DDX17: variants seen among roughly 807,000 people sequenced by gnomAD.
DDX17 encodes the protein probable ATP-dependent RNA helicase DDX17.
Under a neutral mutation model 80.8 loss-of-function variants are expected in DDX17, and 10 were observed. The ratio of observed to expected loss-of-function variants is 0.12; its 90% CI spans 0.08 to 0.21. DDX17 has a LOEUF of 0.21. DDX17 is among the 10% of genes least tolerant of loss of function. The pLI, the probability that DDX17 is intolerant of heterozygous loss-of-function variation, is 1.00. For missense variants in DDX17, 586 were observed against 957.4 expected, an observed-to-expected ratio of 0.61 and a Z score of 5.12; for synonymous variants, 339 against 336.2, an observed-to-expected ratio of 1.01 and a Z score of -0.09.
intron 1 of DDX17, among the ~76,000 whole-genome samples, chr22:38,504,321 A>G (rs1033521043): frequency 6.6e-6 from 1 of 152,200 alleles, no homozygotes; most frequent in African/African-American, 2.4e-5. Flanking sequence ...AATACCCACA[A>G]TTTATGGAGA....
chr22:38,495,273 T>G (rs1268921109), intron 6 of DDX17, among the ~76,000 whole-genome samples: 1 of 122,740 alleles, frequency 8.1e-6, no homozygotes, highest in Non-Finnish European at 1.6e-5. Flanking sequence ...TGAGATGGAG[T>G]CTTGCTCTGT....
intron 11 of DDX17, chr22:38,490,715 T>A (rs1416000339): frequency 4.4e-6 from 1 of 229,480 alleles, no homozygotes; most frequent in Non-Finnish European, 8.9e-6. Flanking sequence ...TGTAGGACAT[T>A]GGTCAGAATT....
Position 38,501,253 on chromosome 22 carries a change from A to G in DDX17, c.315T>C (p.Leu105=). 1.2e-6 allele frequency: 2 copies of G among 1,611,996 alleles called. No individual in the cohort carries two copies. Among genetic ancestry groups the G allele is most frequent in the Non-Finnish European group, 1.7e-6 (2 of 1,179,076 alleles). ...CAGGATTACCAAATTTCTTCGGGGG[A>G]AGGCCACCACCACCTCTTGCTCCAA... The change falls in exon 2 of 13, where the codon CTT becomes CTC. Residue 105 remains leucine, a synonymous_variant. Transcript: ENST00000403230.
chr22:38,493,337 T>C (rs2089731288), intron 10 of DDX17: 1 of 165,932 alleles, frequency 6.0e-6, no homozygotes, highest in Non-Finnish European at 1.3e-5. Context: ...CCACCAAGCT[T>C]GGCTAAGTTT....
intron 2 of DDX17, 104 bp downstream of exon 2, chr22:38,501,026 C>T (rs183369159): frequency 7.3e-7 from 1 of 1,376,538 alleles, no homozygotes; most frequent in Non-Finnish European, 9.7e-7. Flanking sequence ...TATCACCACA[C>T]TAGAATAAAA....
intron 10 of DDX17, among the ~76,000 whole-genome samples, chr22:38,492,834 T>C (rs2145694324): frequency 6.6e-6 from 1 of 152,324 alleles, no homozygotes; most frequent in Non-Finnish European, 1.5e-5. Context: ...TCTCAATGGC[T>C]TCCCTTAAGA....
At position 38,486,368 on chromosome 22, in the gene DDX17, C is replaced by T. The variant is rs748322707; in HGVS notation, c.1757G>A (p.Arg586Gln). Residue 586 changes from arginine (R) to glutamine (Q), a missense_variant, in exon 13 of 13, where the codon CGA (arginine) becomes CAA (glutamine). Coordinates refer to ENST00000403230, the MANE Select transcript of DDX17 (RefSeq NM_006386.5). ...ACCATCCTTGACTCCTCGAAGCCTT[C>T]GGTCACACTCATCCTGATACATCAG... 6.8e-6 allele frequency: 11 copies of T among 1,614,152 alleles called. No homozygotes were observed. The highest frequency in any genetic ancestry group is 1.1e-5 in the South Asian group (1 of 91,078).
chr22:38,492,937 C>T (rs911589954), intron 10 of DDX17, among the ~76,000 whole-genome samples: 3 of 152,032 alleles, frequency 2.0e-5, no homozygotes, highest in Non-Finnish European at 2.9e-5. Context: ...CAGTTTAATT[C>T]TCCCCAAACG....
chr22:38,498,034 C>A (rs367602013), intron 5 of DDX17, 51 bp downstream of exon 5: 7 of 1,552,916 alleles, frequency 4.5e-6, no homozygotes, highest in Non-Finnish European at 6.2e-6. Flanking sequence ...CCTAAATAGT[C>A]GCTAAATTGT....
chr22:38,490,601 AT>A, intron 11 of DDX17: 1 of 497,530 alleles, frequency 2.0e-6, no homozygotes, highest in Non-Finnish European at 3.2e-6. Context: ...TGAAGGGAAC[AT>A]TTAAGAGACC....
At chr22:38,496,534 A>G (rs957372459) in intron 5 of DDX17, among the ~76,000 whole-genome samples, 1 of 152,110 alleles carries the variant, frequency 6.6e-6, no homozygotes, top group Non-Finnish European at 1.5e-5. Context: ...ATTTTTGTAG[A>G]GATGGGGGTT....
intron 5 of DDX17, 116 bp downstream of exon 5, chr22:38,497,969 T>A (rs2089787528): frequency 1.1e-6 from 1 of 914,704 alleles, no homozygotes; most frequent in East Asian, 2.5e-5. Context: ...ATGAAACCAT[T>A]TCCACCTATG....
intron 4 of DDX17, 59 bp from the exon 5 acceptor site, chr22:38,498,209 C>A: frequency 6.4e-7 from 1 of 1,567,076 alleles, no homozygotes; most frequent in Non-Finnish European, 8.8e-7. Flanking sequence ...TACTTAGATA[C>A]TTAGTAATTA....
Position 38,485,850 on chromosome 22 carries a change from A to G in DDX17, c.*85T>C. On this transcript the variant is annotated 3_prime_UTR_variant, in exon 13 of 13. Coordinates refer to ENST00000403230, the MANE Select transcript of DDX17 (RefSeq NM_006386.5). ...AAAAAAGAAAAAAGGAAAAAAAAAG[A>G]AAAGGCGAAGAGGAAAAAAAAAGGA... 1 of 1,455,406 alleles carries G rather than the reference A, an allele frequency of 6.9e-7. No homozygotes were observed. Among genetic ancestry groups the G allele is most frequent in the South Asian group, 1.5e-5 (1 of 67,270 alleles). The allele number at this position is 1,455,406 out of a possible 1,614,324, so 90.2% of individuals were successfully genotyped here.
chr22:38,499,105 C>A (rs1243712735), intron 3 of DDX17, among the ~76,000 whole-genome samples: 3 of 152,186 alleles, frequency 2.0e-5, no homozygotes, highest in Non-Finnish European at 4.4e-5. Context: ...GACATGGGAA[C>A]ATGGTAGTCA....
intron 4 of DDX17, 66 bp downstream of exon 4, chr22:38,498,374 G>T: frequency 6.3e-7 from 1 of 1,597,176 alleles, no homozygotes; most frequent in Non-Finnish European, 8.6e-7. Context: ...AACTGAGAAC[G>T]TATGACAACT....
intron 11 of DDX17, chr22:38,488,325 T>G: frequency 6.9e-7 from 1 of 1,442,992 alleles, no homozygotes; most frequent in Non-Finnish European, 9.1e-7. Flanking sequence ...GCATAGGAAA[T>G]AGGATCTTTA....
chr22:38,487,813 G>A, intron 12 of DDX17, 66 bp downstream of exon 12: 3 of 1,555,252 alleles, frequency 1.9e-6, no homozygotes, highest in Non-Finnish European at 2.7e-6. Flanking sequence ...GCAACTAAAA[G>A]CAAGTCACAG....
At chr22:38,504,996 C>T (rs1013369210) in intron 1 of DDX17, among the ~76,000 whole-genome samples, 5 of 152,126 alleles carry the variant, frequency 3.3e-5, no homozygotes, top group African/African-American at 1.2e-4. Flanking sequence ...GCAACCTCCT[C>T]CCCCCGGGTT....
Sources: gnomAD v4.1 joint callset for allele counts (sites outside exome capture counted in the v4.1 genomes callset) on GRCh38, gnomAD v4.1.1 for gene constraint, MANE v1.5 for transcripts, NCBI Gene and HGNC (gene_info 2026-07-23, HGNC 2026-07-21) for gene names.